ZEB2: variants seen among roughly 807,000 people sequenced by gnomAD.
ZEB2 encodes the protein zinc finger E-box binding homeobox 2.
In ZEB2, 6 loss-of-function variants were observed where a neutral mutation model predicts 99.9. The ratio of observed to expected loss-of-function variants is 0.06; its 90% CI spans 0.03 to 0.12. The LOEUF (loss-of-function observed/expected upper bound fraction) is 0.12, where lower values mean the gene tolerates loss of function less well. ZEB2 is among the 10% of genes least tolerant of loss of function. ZEB2 has a pLI of 1.00. For synonymous variants in ZEB2, 517 were observed against 542.5 expected, an observed-to-expected ratio of 0.95 and a Z score of 0.65; for missense variants, 969 against 1,502.8, an observed-to-expected ratio of 0.64 and a Z score of 5.87.
In ZEB2 at chr2:144,506,917, G is replaced by GT. The variant is rs1228515000; in HGVS notation, c.73+10360dup. On this transcript the variant is annotated intron_variant, in intron 2 of 9. Transcript: ENST00000627532. The stretch of plus-strand genomic sequence containing the variant: ...AACTATTAAAGAGAAATCCATTACA[G>GT]TTTTTTTAATGTAGAATACATTTTA... 7.2e-5 allele frequency among the ~76,000 whole-genome samples: 11 copies of GT among 152,074 alleles called. No individual in the cohort carries two copies. The South Asian group carries it at 1.5e-3, about 20-fold the overall frequency.
intron 2 of ZEB2, among the ~76,000 whole-genome samples, chr2:144,444,337 A>T (rs964895959): frequency 2.0e-5 from 3 of 152,262 alleles, no homozygotes; most frequent in Non-Finnish European, 4.4e-5. Context: ...GAGAAGTACC[A>T]AAAGAAATTA....
At chr2:144,452,982 T>TA (rs1704075253) in intron 2 of ZEB2, among the ~76,000 whole-genome samples, 1 of 151,926 alleles carries the variant, frequency 6.6e-6, no homozygotes, top group African/African-American at 2.4e-5. Context: ...GGGAATTCAT[T>TA]TTTTTTTACA....
chr2:144,454,561 A>C (rs1704096152), intron 2 of ZEB2, among the ~76,000 whole-genome samples: 1 of 152,154 alleles, frequency 6.6e-6, no homozygotes, highest in African/African-American at 2.4e-5. Flanking sequence ...ATTTTACCTA[A>C]ATCTCTTGCT....
At chr2:144,395,022 G>A (rs540210619) in intron 9 of ZEB2, among the ~76,000 whole-genome samples, 2 of 139,554 alleles carry the variant, frequency 1.4e-5, no homozygotes, top group East Asian at 2.1e-4. Context: ...TTGAGATAGG[G>A]TCTCACTCTG....
rs142840447 is a variant in ZEB2 at position 144,484,846 on chromosome 2, GA to G, written c.73+32431del. On this transcript the variant is annotated intron_variant, in intron 2 of 9. Transcript: ENST00000627532. ...GCCCAGCCTGTACAGAAATTATGAA[GA>G]AAAAAAAAAGCAACTGTCAAAAAAC... 6.2e-5 allele frequency among the ~76,000 whole-genome samples: 9 copies of G among 145,744 alleles called. 1 individual carries two copies. The highest frequency in any genetic ancestry group is 2.0e-4 in the East Asian group (1 of 4,996).
chr2:144,432,841 A>G (rs1703791469), intron 2 of ZEB2, among the ~76,000 whole-genome samples: 1 of 152,174 alleles, frequency 6.6e-6, no homozygotes, highest in Admixed American at 6.5e-5. Flanking sequence ...CAAAGAAGAG[A>G]TTCAATTTTG....
At chr2:144,517,157 C>T in intron 2 of ZEB2, 121 bp downstream of exon 2, 1 of 1,322,580 alleles carries the variant, frequency 7.6e-7, no homozygotes. Flanking sequence ...GGGAGGCTCG[C>T]CCTAGAGCCC....
intron 2 of ZEB2, among the ~76,000 whole-genome samples, chr2:144,472,012 C>G (rs1704363847): frequency 6.6e-6 from 1 of 151,980 alleles, no homozygotes; most frequent in African/African-American, 2.4e-5. Context: ...AAAATTCTTG[C>G]CATTTCTCTG....
intron 2 of ZEB2, among the ~76,000 whole-genome samples, chr2:144,443,009 T>C (rs1342770986): frequency 2.0e-5 from 3 of 152,174 alleles, no homozygotes; most frequent in East Asian, 1.9e-4. Flanking sequence ...CATGACACTT[T>C]CTGAAATGTT....
At chr2:144,406,971 G>T (rs117253799) in intron 4 of ZEB2, among the ~76,000 whole-genome samples, 4 of 152,320 alleles carry the variant, frequency 2.6e-5, no homozygotes, top group East Asian at 1.9e-4. Flanking sequence ...ATCTGGGAAA[G>T]AATTCAGTTT....
chr2:144,482,479 C>T (rs1243562578), intron 2 of ZEB2: 1 of 152,196 alleles, frequency 6.6e-6, no homozygotes, highest in Non-Finnish European at 1.5e-5. Context: ...ATGTGTTGAG[C>T]CTGTCGTCAT....
At chr2:144,404,195 TG>T in intron 5 of ZEB2, 65 bp from the exon 6 acceptor site, 2 of 1,555,316 alleles carry the variant, frequency 1.3e-6, no homozygotes. Context: ...TGGCAGCTAA[TG>T]GGCTGACTGC....
chr2:144,451,995 G>A (rs1047958291), intron 2 of ZEB2, among the ~76,000 whole-genome samples: 4 of 152,088 alleles, frequency 2.6e-5, no homozygotes, highest in Admixed American at 2.0e-4. Context: ...AGTTGTGGGA[G>A]AGATGAGGAA....
At chr2:144,415,834 G>GT (rs1478361196) in intron 4 of ZEB2, among the ~76,000 whole-genome samples, 1 of 152,228 alleles carries the variant, frequency 6.6e-6, no homozygotes, top group African/African-American at 2.4e-5. Flanking sequence ...CTCTGTAGCT[G>GT]TAATGGTTTG....
chr2:144,454,586 C>T (rs1303115853), intron 2 of ZEB2, among the ~76,000 whole-genome samples: 1 of 152,098 alleles, frequency 6.6e-6, no homozygotes, highest in Non-Finnish European at 1.5e-5. Flanking sequence ...ATGCAGCTGC[C>T]CTTTGATGAA....
intron 3 of ZEB2, chr2:144,429,480 C>T: frequency 2.3e-6 from 1 of 431,514 alleles, no homozygotes; most frequent in South Asian, 2.3e-5. Context: ...ACATAATTTG[C>T]ACATTGTAAA....
intron 2 of ZEB2, among the ~76,000 whole-genome samples, chr2:144,487,043 G>A (rs149151946): frequency 1.0e-3 from 155 of 152,172 alleles, no homozygotes; most frequent in Admixed American, 2.7e-3. Context: ...ATAAACTTCC[G>A]TGATCAGTTT....
chr2:144,479,713 C>T lies in ZEB2; in HGVS notation c.73+37565G>A, dbSNP rs557731795. Among the ~76,000 whole-genome samples the T allele has an allele frequency of 2.5e-3, 283 of 113,414 alleles. 1 individual carries two copies. Among genetic ancestry groups the T allele is most frequent in the South Asian group, 4.5e-3 (16 of 3,566 alleles). 74.4% of individuals were successfully genotyped at this position (113,414 alleles called of 152,430 possible). On this transcript the variant is annotated intron_variant, in intron 2 of 9. Transcript: ENST00000627532. ...GGGGGGGCGGGGGGTGGACTTTGAA[C>T]AATGAAAACATTTTTAAACTCATTG... is the stretch of plus-strand genomic sequence containing the variant.
intron 2 of ZEB2, chr2:144,511,919 T>C: frequency 7.8e-7 from 1 of 1,287,254 alleles, no homozygotes; most frequent in South Asian, 1.2e-5. Context: ...TATGTTAACA[T>C]CTGCTTTTGT....
Sources: gnomAD v4.1 joint callset for allele counts (sites outside exome capture counted in the v4.1 genomes callset) on GRCh38, gnomAD v4.1.1 for gene constraint, MANE v1.5 for transcripts, NCBI Gene and HGNC (gene_info 2026-07-23, HGNC 2026-07-21) for gene names.